Variants in CPNE4 observed in about 807,000 individuals in gnomAD.
The protein encoded by CPNE4 is copine-4.
In CPNE4, 25 loss-of-function variants were observed where a neutral mutation model predicts 67.9. The ratio of observed to expected loss-of-function variants is 0.37; its 90% CI spans 0.27 to 0.51. CPNE4 has a LOEUF of 0.51. Ranked by LOEUF, CPNE4 falls within the 20% of genes least tolerant of loss-of-function variation. The pLI is 0.93. For missense variants in CPNE4, 464 were observed against 690.8 expected, an observed-to-expected ratio of 0.67 and a Z score of 3.68; for synonymous variants, 242 against 244.9, an observed-to-expected ratio of 0.99 and a Z score of 0.11.
intron 2 of CPNE4, among the ~76,000 whole-genome samples, chr3:131,811,351 T>A (rs1195619826): frequency 6.6e-6 from 1 of 152,116 alleles, no homozygotes; most frequent in Non-Finnish European, 1.5e-5. Flanking sequence ...GCTTTTTATA[T>A]GTAAATTGTA....
Position 131,843,557 on chromosome 3 carries a change from C to A in CPNE4, c.180+61707G>T, listed in dbSNP as rs59639250. On this transcript the variant is annotated intron_variant, in intron 2 of 15. Coordinates refer to ENST00000429747, the MANE Select transcript of CPNE4 (RefSeq NM_130808.3). ...AAGTAACGTGTGTTGACAGTGTCCA[C>A]GGTGAAAAGGAGTTATTTTCTCCCC... is the stretch of plus-strand genomic sequence containing the variant. Among the ~76,000 whole-genome samples the A allele has an allele frequency of 6.6e-3, 1,006 of 152,298 alleles. 7 individuals are homozygous for A. The highest frequency in any genetic ancestry group is 0.023 in the African/African-American group (952 of 41,540).
intron 6 of CPNE4, among the ~76,000 whole-genome samples, chr3:131,676,691 T>G (rs140813787): frequency 1.3e-5 from 2 of 152,140 alleles, no homozygotes; most frequent in African/African-American, 4.8e-5. Context: ...GCTCCATCCA[T>G]GTCCTTGCAA....
intron 2 of CPNE4, among the ~76,000 whole-genome samples, chr3:131,730,792 T>G (rs779536506): frequency 2.8e-4 from 43 of 152,178 alleles, no homozygotes; most frequent in Non-Finnish European, 2.9e-5. Context: ...TTAAGCAATT[T>G]CTTCCTAGTA....
intron 1 of CPNE4, among the ~76,000 whole-genome samples, chr3:131,940,282 A>T (rs1191374656): frequency 1.3e-5 from 2 of 152,174 alleles, no homozygotes; most frequent in Non-Finnish European, 2.9e-5. Context: ...AAAATTATCC[A>T]TACTGAATAC....
chr3:131,787,295 A>G (rs1288946661), intron 2 of CPNE4, among the ~76,000 whole-genome samples: 1 of 152,176 alleles, frequency 6.6e-6, no homozygotes, highest in East Asian at 1.9e-4. Flanking sequence ...GATATTTATT[A>G]GGGATTAGCA....
At chr3:131,698,276 C>G (rs1403813458) in intron 4 of CPNE4, among the ~76,000 whole-genome samples, 7 of 112,316 alleles carry the variant, frequency 6.2e-5, no homozygotes. Context: ...AAAGATCAAA[C>G]TTTTCTTGGA....
intron 2 of CPNE4, among the ~76,000 whole-genome samples, chr3:131,859,078 T>C (rs904856311): frequency 1.3e-5 from 2 of 152,138 alleles, no homozygotes; most frequent in African/African-American, 4.8e-5. Flanking sequence ...ATTATATTTT[T>C]CTTAACTTAT....
intron 1 of CPNE4, among the ~76,000 whole-genome samples, chr3:131,926,275 T>C (rs1274326684): frequency 6.6e-6 from 1 of 152,148 alleles, no homozygotes; most frequent in Non-Finnish European, 1.5e-5. Context: ...GTCTTTGCTG[T>C]CTTCCTTCTG....
intron 2 of CPNE4, among the ~76,000 whole-genome samples, chr3:131,829,913 C>T (rs569126777): frequency 3.3e-5 from 5 of 152,252 alleles, no homozygotes; most frequent in African/African-American, 4.8e-5. Flanking sequence ...TTAACAAGAT[C>T]CTATGTTTAT....
At chr3:131,587,415 A>G in intron 8 of CPNE4, 69 bp downstream of exon 8, 2 of 973,190 alleles carry the variant, frequency 2.1e-6, no homozygotes, top group Non-Finnish European at 1.7e-6. Flanking sequence ...TTGCTGTTTC[A>G]TTGGTAGCTG....
Position 132,023,644 on chromosome 3 carries a change from C to T in CPNE4, c.-2+10923G>A, listed in dbSNP as rs1009594113. Among the ~76,000 whole-genome samples the T allele has an allele frequency of 4.4e-4, 67 of 152,114 alleles. 1 individual carries two copies. Among genetic ancestry groups the T allele is most frequent in the African/African-American group, 1.4e-3 (58 of 41,510 alleles). On this transcript the variant is annotated intron_variant, in intron 1 of 15. Transcript: ENST00000429747. The stretch of plus-strand genomic sequence containing the variant: ...CTGGGACCACAAGCACCCGCCACTA[C>T]GCCCGGCTAATTTTTTGTATTTTTA...
chr3:132,005,340 TATACACACACAC>T (rs1320482420), intron 1 of CPNE4, among the ~76,000 whole-genome samples: 8 of 27,170 alleles, frequency 2.9e-4, no homozygotes, highest in African/African-American at 8.4e-4. Flanking sequence ...TATATATATA[TATACACACACAC>T]ACACACACAC....
At chr3:132,010,626 C>T (rs1248161381) in intron 1 of CPNE4, among the ~76,000 whole-genome samples, 3 of 152,034 alleles carry the variant, frequency 2.0e-5, no homozygotes, top group South Asian at 4.2e-4. Flanking sequence ...AGTGATGGCC[C>T]GGTCAGGGAG....
At chr3:131,913,173 A>G (rs1583445670) in intron 1 of CPNE4, among the ~76,000 whole-genome samples, 1 of 152,132 alleles carries the variant, frequency 6.6e-6, no homozygotes. Context: ...GGTGATGGTC[A>G]GGCAGTTGTC....
At chr3:131,937,360 T>C (rs1311318129) in intron 1 of CPNE4, among the ~76,000 whole-genome samples, 1 of 152,176 alleles carries the variant, frequency 6.6e-6, no homozygotes, top group African/African-American at 2.4e-5. Flanking sequence ...AAATACAATA[T>C]AGCAACACTT....
chr3:131,665,684 C>CAAACAAAA (rs1553749457), intron 7 of CPNE4, among the ~76,000 whole-genome samples: 2 of 150,784 alleles, frequency 1.3e-5, no homozygotes, highest in African/African-American at 2.4e-5. Context: ...AACAAACAAA[C>CAAACAAAA]AAAAAACAGA....
At chr3:131,983,213 G>A (rs914756429) in intron 1 of CPNE4, among the ~76,000 whole-genome samples, 3 of 151,988 alleles carry the variant, frequency 2.0e-5, no homozygotes, top group African/African-American at 7.2e-5. Flanking sequence ...TTCCATATTT[G>A]TCAAAGTTTA....
intron 8 of CPNE4, among the ~76,000 whole-genome samples, chr3:131,583,195 G>A (rs1429277599): frequency 1.3e-5 from 2 of 152,240 alleles, no homozygotes; most frequent in East Asian, 3.9e-4. Context: ...GTCATTTAAA[G>A]GCCTAATCTC....
At chr3:131,949,608 G>C (rs1042468285) in intron 1 of CPNE4, among the ~76,000 whole-genome samples, 2 of 152,076 alleles carry the variant, frequency 1.3e-5, no homozygotes, top group Non-Finnish European at 2.9e-5. Context: ...AATAAAATAA[G>C]AACATCTGCT....
Sources: gnomAD v4.1 joint callset for allele counts (sites outside exome capture counted in the v4.1 genomes callset) on GRCh38, gnomAD v4.1.1 for gene constraint, MANE v1.5 for transcripts, NCBI Gene and HGNC (gene_info 2026-07-23, HGNC 2026-07-21) for gene names.